PPP6R2: variants seen among roughly 807,000 people sequenced by gnomAD.
The protein encoded by PPP6R2 is serine/threonine-protein phosphatase 6 regulatory subunit 2.
A neutral mutation model predicts 100.2 loss-of-function variants in PPP6R2; 62 were observed. That is an observed-to-expected ratio of 0.62 (90% CI 0.50 to 0.76). PPP6R2 has a LOEUF of 0.76. PPP6R2 is among the 30% of genes least tolerant of loss of function. The pLI is 0.00. For missense variants in PPP6R2, 1,142 were observed against 1,276.3 expected (o/e 0.89, Z 1.60); for synonymous variants, 525 against 514.7 (o/e 1.02, Z -0.27).
At chr22:50,404,358 G>C (rs2147055795) in intron 3 of PPP6R2, among the ~76,000 whole-genome samples, 1 of 151,988 alleles carries the variant, frequency 6.6e-6, no homozygotes, top group East Asian at 1.9e-4. Context: ...GCCTCTCAAA[G>C]TGCTGGGATT....
chr22:50,435,852 G>A (rs930220040), intron 13 of PPP6R2, among the ~76,000 whole-genome samples: 1 of 152,186 alleles, frequency 6.6e-6, no homozygotes, highest in Non-Finnish European at 1.5e-5. Context: ...AGGAGGCGAG[G>A]GGCAAGCAGG....
rs779469109 is a variant in PPP6R2, at chr22:50,436,385, G to A, written c.1535G>A (p.Arg512His). The A allele has an allele frequency of 1.2e-5, 19 of 1,583,118 alleles. No individual in the cohort carries two copies. The African/African-American group carries it at 1.5e-4, about 12-fold the overall frequency. Residue 512 changes from arginine (R) to histidine (H), a missense_variant, in exon 14 of 24, where the codon CGT becomes CAT. Arg to His is a conservative substitution (Grantham distance 29). Coordinates refer to ENST00000612753, the MANE Select transcript of PPP6R2 (RefSeq NM_001242898.2). ...EVIRGLPADCRGRWESFVEET... is the reference protein window; with the variant it reads ...EVIRGLPADCHGRWESFVEET... ...CTTGCAGGGCTCCCTGCGGACTGCC[G>A]TGGCCGCTGGGAGAGCTTCGTGGAG...
intron 10 of PPP6R2, among the ~76,000 whole-genome samples, chr22:50,424,479 G>A (rs188729139): frequency 6.8e-4 from 76 of 111,936 alleles, no homozygotes; most frequent in Middle Eastern, 4.4e-3. Context: ...AGGTCCGTCC[G>A]CGTGTGGAAC....
At chr22:50,362,106 G>A (rs1188532474) in intron 1 of PPP6R2, among the ~76,000 whole-genome samples, 1 of 152,210 alleles carries the variant, frequency 6.6e-6, no homozygotes, top group Non-Finnish European at 1.5e-5. Flanking sequence ...TGGCTGCCTG[G>A]AGGGTCTGCA....
intron 1 of PPP6R2, among the ~76,000 whole-genome samples, chr22:50,365,282 G>C (rs763349684): frequency 2.0e-4 from 31 of 152,062 alleles, no homozygotes; most frequent in Admixed American, 9.8e-4. Context: ...TGTTGGCCAG[G>C]CTGGTCTTGA....
At chr22:50,394,178 T>C in intron 3 of PPP6R2, 43 bp downstream of exon 3, 10 of 1,602,414 alleles carry the variant, frequency 6.2e-6, no homozygotes, top group Non-Finnish European at 8.5e-6. Context: ...CAGGCAGTGC[T>C]GCAGGCAGGC....
intron 1 of PPP6R2, among the ~76,000 whole-genome samples, chr22:50,360,044 T>TC (rs1272222800): frequency 2.0e-5 from 3 of 148,464 alleles, no homozygotes; most frequent in East Asian, 4.0e-4. Flanking sequence ...GCTTTTTTTT[T>TC]CCCTTTCAGC....
At chr22:50,393,256 C>T (rs991392372) in intron 2 of PPP6R2, 3 of 344,868 alleles carry the variant, frequency 8.7e-6, no homozygotes, top group African/African-American at 4.5e-5. Context: ...CAGAGAGAAC[C>T]CTGGGTGTGA....
At chr22:50,427,967 A>C (rs370058294) in intron 10 of PPP6R2, among the ~76,000 whole-genome samples, 1 of 152,162 alleles carries the variant, frequency 6.6e-6, no homozygotes, top group Non-Finnish European at 1.5e-5. Flanking sequence ...TGATCCGCCC[A>C]CCTTGGCCTC....
chr22:50,384,077 C>A (rs946960628), intron 2 of PPP6R2, among the ~76,000 whole-genome samples: 1 of 150,150 alleles, frequency 6.7e-6, no homozygotes, highest in African/African-American at 2.4e-5. Context: ...CCTTTGAGCT[C>A]GTGTGTTAGT....
At chr22:50,420,723 C>T (rs2061218057) in intron 8 of PPP6R2, among the ~76,000 whole-genome samples, 1 of 152,142 alleles carries the variant, frequency 6.6e-6, no homozygotes, top group African/African-American at 2.4e-5. Flanking sequence ...TGTGGTTGGC[C>T]CGCCAGGTGC....
At chr22:50,432,562 G>C (rs895958764) in intron 12 of PPP6R2, among the ~76,000 whole-genome samples, 1 of 152,134 alleles carries the variant, frequency 6.6e-6, no homozygotes, top group Non-Finnish European at 1.5e-5. Context: ...AAGCGGTCCC[G>C]TCCCCACCAG....
Position 50,431,425 on chromosome 22 carries a change from C to T in PPP6R2, c.1335+43C>T, listed in dbSNP as rs1451530649. ...CCATCTTATCAGCGCCAACTGCGCC[C>T]CACTCAGACCGTGTCCATGTCAGCG... is the stretch of plus-strand genomic sequence containing the variant. On this transcript the variant is annotated intron_variant, in intron 11 of 23. Transcript: ENST00000612753. This position sits in a 1 kb window ranked among gnomAD's most constrained non-coding sequence, Gnocchi z 4.8. 25 of 1,545,314 alleles carry T rather than the reference C, an allele frequency of 1.6e-5. No homozygotes were observed. The Admixed American group carries it at 3.5e-4, about 21-fold the overall frequency.
At chr22:50,351,458 G>A (rs1439790565) in intron 1 of PPP6R2, among the ~76,000 whole-genome samples, 2 of 150,784 alleles carry the variant, frequency 1.3e-5, no homozygotes, top group Non-Finnish European at 1.5e-5. Context: ...GAAGCCAGGC[G>A]TTGACTTACC....
chr22:50,403,551 G>A (rs916884948), intron 3 of PPP6R2, among the ~76,000 whole-genome samples: 2 of 152,162 alleles, frequency 1.3e-5, no homozygotes, highest in East Asian at 1.9e-4. Context: ...CAGAAAGTTC[G>A]GCTAGTGAGG....
intron 3 of PPP6R2, among the ~76,000 whole-genome samples, chr22:50,404,348 G>T (rs1194771693): frequency 1.3e-5 from 2 of 151,726 alleles, no homozygotes; most frequent in African/African-American, 4.8e-5. Context: ...ACCTGCCTCG[G>T]CCTCTCAAAG....
the PPP6R2 span, among the ~76,000 whole-genome samples, chr22:50,337,474 G>C: frequency 7.2e-6 from 1 of 138,652 alleles, no homozygotes; most frequent in Non-Finnish European, 1.5e-5. Context: ...AGTGTGTGTA[G>C]TGTTTGTCTG....
In PPP6R2 at chr22:50,357,818, G is replaced by T. The variant is rs190370781; in HGVS notation, c.-147-14202G>T. ...TTTTTGTATTTTTAGTAGAGACAGGGTTTCACTATGTTGGCCAGGGTGGTC... is the reference window on the plus strand; with the variant it reads ...TTTTTGTATTTTTAGTAGAGACAGGTTTTCACTATGTTGGCCAGGGTGGTC... On this transcript the variant is annotated intron_variant, in intron 1 of 23. Transcript: ENST00000612753. Among the ~76,000 whole-genome samples the T allele has an allele frequency of 5.4e-3, 829 of 152,152 alleles. 6 individuals carry two copies. Among genetic ancestry groups the T allele is most frequent in the Non-Finnish European group, 7.7e-3 (524 of 68,002 alleles).
chr22:50,357,877 G>A (rs1223631484), intron 1 of PPP6R2, among the ~76,000 whole-genome samples: 1 of 151,300 alleles, frequency 6.6e-6, no homozygotes, highest in African/African-American at 2.4e-5. Context: ...GTCCTCCTTG[G>A]CCTTCCAAAG....
Sources: gnomAD v4.1 joint callset for allele counts (sites outside exome capture counted in the v4.1 genomes callset) on GRCh38, gnomAD v4.1.1 for gene constraint, Gnocchi (gnomAD v3.1) non-coding constraint, MANE v1.5 for transcripts, NCBI Gene and HGNC (gene_info 2026-07-23, HGNC 2026-07-21) for gene names.